The following HSPB1 variants were observed in gnomAD, a reference collection of about 807,000 sequenced individuals.
The protein encoded by HSPB1 is heat shock protein family B (small) member 1.
Under a neutral mutation model 17.0 loss-of-function variants are expected in HSPB1, and 19 were observed. The ratio of observed to expected loss-of-function variants is 1.12; its 90% confidence interval spans 0.78 to 1.64. HSPB1 has a LOEUF of 1.64. HSPB1 is among the 40% of genes most tolerant of loss of function. HSPB1 has a pLI of 0.00. For missense variants in HSPB1, 348 were observed against 289.2 expected (o/e 1.20, Z -1.47); for synonymous variants, 165 against 129.8 (o/e 1.27, Z -1.84).
In HSPB1 at chr7:76,303,106, G is replaced by C. The variant is rs541273562; in HGVS notation, c.364+30G>C. 6.6e-6 allele frequency: 10 copies of C among 1,504,646 alleles called. No homozygotes were observed. In the African/African-American group the frequency reaches 1.2e-4, roughly 19 times the overall value. The allele number at this position is 1,504,646 out of a possible 1,614,324, so 93.2% of individuals were successfully genotyped here. On this transcript the variant is annotated intron_variant, in intron 1 of 2. Transcript: ENST00000248553. Reference sequence around the variant, plus strand: ...GCCCCCCTGCTCCTGCAGGGGAGAGGAGGAGGCTAGCAGGGCGGGCAGGGC... The same window carrying C: ...GCCCCCCTGCTCCTGCAGGGGAGAGCAGGAGGCTAGCAGGGCGGGCAGGGC...
intron 2 of HSPB1, 50 bp from the exon 3 acceptor site, chr7:76,303,934 A>G (rs1192927752): frequency 1.2e-6 from 2 of 1,610,680 alleles, no homozygotes; most frequent in East Asian, 2.2e-5. Context: ...GGGCACAGGG[A>G]CCCACCCGGT....
chr7:76,303,100 G>A (rs778185042), intron 1 of HSPB1, 24 bp downstream of exon 1: 4 of 1,507,386 alleles, frequency 2.7e-6, no homozygotes, highest in Admixed American at 2.1e-5. Context: ...CTCCTGCAGG[G>A]GAGAGGAGGA....
At position 76,304,110 on chromosome 7, in the gene HSPB1, C is replaced by G. The variant is rs533051169; in HGVS notation, c.555C>G (p.Phe185Leu). Residue 185 changes from phenylalanine (F) to leucine (L), a missense_variant, in exon 3 of 3, where the codon TTC becomes TTG. Physicochemically the swap from Phe to Leu is conservative, Grantham distance 22. Transcript: ENST00000248553. ...ACGAGATCACCATCCCAGTCACCTT[C>G]GAGTCGCGGGCCCAGCTTGGGGGCC... ...QSNEITIPVT[F>L]ESRAQLGGPE... is the part of the protein sequence containing the mutation. 3.7e-6 allele frequency: 6 copies of G among 1,613,482 alleles called. No individual in the cohort carries two copies. In the African/African-American group the frequency reaches 6.7e-5, roughly 18 times the overall value.
In HSPB1 at chr7:76,304,116, G is replaced by T. The variant is rs746242447; in HGVS notation, c.561G>T (p.Ser187=). 22 of 1,613,004 alleles carry T rather than the reference G, an allele frequency of 1.4e-5. No individual in the cohort carries two copies. Among genetic ancestry groups the T allele is most frequent in the Non-Finnish European group, 1.7e-5 (20 of 1,179,750 alleles). ...NEITIPVTFE[S]RAQLGGPEAA... Reference sequence around the variant, plus strand: ...TCACCATCCCAGTCACCTTCGAGTCGCGGGCCCAGCTTGGGGGCCCAGAAG... The same window carrying T: ...TCACCATCCCAGTCACCTTCGAGTCTCGGGCCCAGCTTGGGGGCCCAGAAG... Residue 187 remains serine, a synonymous_variant, in exon 3 of 3, where the codon TCG becomes TCT. Transcript: ENST00000248553.
chr7:76,303,459 T>C (rs1803044003), intron 1 of HSPB1: 2 of 510,922 alleles, frequency 3.9e-6, no homozygotes, highest in Non-Finnish European at 7.0e-6. Flanking sequence ...CAGAGTCCCC[T>C]TCCCACCCAC....
intron 1 of HSPB1, 152 bp downstream of exon 1, chr7:76,303,228 GA>G: frequency 1.0e-6 from 1 of 955,736 alleles, no homozygotes. Flanking sequence ...CCTTGCTCAG[GA>G]ATTGGGAGTG....
rs1803054247 is a variant in HSPB1, at chr7:76,303,692, T to C, written c.365-110T>C. 3 of 850,094 alleles carry C rather than the reference T, an allele frequency of 3.5e-6. No individual in the cohort carries two copies. In the Admixed American group the frequency reaches 5.5e-5, roughly 16 times the overall value. 52.7% of individuals were successfully genotyped at this position (850,094 alleles called of 1,614,324 possible). On this transcript the variant is annotated intron_variant, in intron 1 of 2. Transcript: ENST00000248553. ...ATCCCCAACCCCCTCTGTTAATCCC[T>C]ACCAGCCTGCAGTCCTGGCTGCTTC...
In HSPB1 at chr7:76,303,909, T is replaced by TG. The variant is rs1563652756; in HGVS notation, c.428+48dup. On this transcript the variant is annotated intron_variant, in intron 2 of 2. Transcript: ENST00000248553. ...TCGGGGTGGGTGGGTGGCGTGGGGGTGGGGTCAGGGAAGAGGGCACAGGGA... is the reference window on the plus strand; with the variant it reads ...TCGGGGTGGGTGGGTGGCGTGGGGGTGGGGGTCAGGGAAGAGGGCACAGGGA... 3.3e-6 allele frequency: 5 copies of TG among 1,530,926 alleles called. No homozygotes were observed. In the Admixed American group the frequency reaches 5.0e-5, roughly 15 times the overall value. The allele number at this position is 1,530,926 out of a possible 1,614,324, so 94.8% of individuals were successfully genotyped here. A position where few individuals can be genotyped will look rare whatever the true frequency, so the allele number is the denominator to read the frequency against.
In HSPB1 at chr7:76,303,128, G is replaced by A. The variant is rs1169033849; in HGVS notation, c.364+52G>A. On this transcript the variant is annotated intron_variant, in intron 1 of 2. Coordinates refer to ENST00000248553, the MANE Select transcript of HSPB1 (RefSeq NM_001540.5). ...GAGGAGGAGGCTAGCAGGGCGGGCAGGGCCGGGGGCGTGCGGTTGAAACGG... is the reference window on the plus strand; with the variant it reads ...GAGGAGGAGGCTAGCAGGGCGGGCAAGGCCGGGGGCGTGCGGTTGAAACGG... 5 of 1,492,376 alleles carry A rather than the reference G, an allele frequency of 3.4e-6. No homozygotes were observed. In the South Asian group the frequency reaches 6.4e-5, roughly 19 times the overall value. 92.4% of individuals were successfully genotyped at this position (1,492,376 alleles called of 1,614,324 possible).
In HSPB1 at chr7:76,302,930, A is replaced by G; in HGVS notation, c.218A>G (p.Tyr73Cys). Residue 73 changes from tyrosine to cysteine, a missense_variant, in exon 1 of 3, where the codon TAC becomes TGC. Physicochemically the swap from Tyr to Cys is radical, Grantham distance 194. Transcript: ENST00000248553. The part of the protein sequence containing the change: ...IESPAVAAPA[Y>C]SRALSRQLSS... The stretch of plus-strand genomic sequence containing the variant: ...AGCCCCGCAGTGGCCGCGCCCGCCT[A>G]CAGCCGCGCGCTCAGCCGGCAACTC... 6.5e-7 allele frequency: 1 copy of G among 1,545,918 alleles called. No homozygotes were observed. The highest frequency in any genetic ancestry group is 8.7e-7 in the Non-Finnish European group (1 of 1,151,264).
At chr7:76,303,908 G>C (rs769376183) in intron 2 of HSPB1, 43 bp downstream of exon 2, 1 of 1,606,976 alleles carries the variant, frequency 6.2e-7, no homozygotes, top group South Asian at 1.1e-5. Flanking sequence ...TGGCGTGGGG[G>C]TGGGGTCAGG....
chr7:76,303,160 CGGGGGCCT>C, intron 1 of HSPB1, 84 bp downstream of exon 1: 1 of 1,458,708 alleles, frequency 6.9e-7, no homozygotes, highest in African/African-American at 1.4e-5. Context: ...ACGGGGGTCC[CGGGGGCCT>C]GGGGAGTTAA....
chr7:76,303,759 C>G, intron 1 of HSPB1, 43 bp from the exon 2 acceptor site: 1 of 1,579,094 alleles, frequency 6.3e-7, no homozygotes, highest in Non-Finnish European at 8.7e-7. Flanking sequence ...GGCCGAAAGG[C>G]AGTCCCCTCC....
chr7:76,303,218 C>T, intron 1 of HSPB1, 142 bp downstream of exon 1: 1 of 1,030,586 alleles, frequency 9.7e-7, no homozygotes, highest in Non-Finnish European at 1.4e-6. Flanking sequence ...CTCCTGATTC[C>T]CTTGCTCAGG....
At position 76,302,702 on chromosome 7, in the gene HSPB1, A is replaced by T. The variant is rs1803010570; in HGVS notation, c.-11A>T. ...TTTTCTGAGCAGACGTCCAGAGCAG[A>T]GTCAGCCAGCATGACCGAGCGCCGC... On this transcript the variant is annotated 5_prime_UTR_variant, in exon 1 of 3. Transcript: ENST00000248553. 6.3e-7 allele frequency: 1 copy of T among 1,599,832 alleles called. No individual in the cohort carries two copies. The highest frequency in any genetic ancestry group is 1.7e-5 in the Admixed American group (1 of 60,004).
intron 1 of HSPB1, 129 bp from the exon 2 acceptor site, chr7:76,303,673 A>C: frequency 8.5e-5 from 58 of 680,332 alleles, no homozygotes; most frequent in Non-Finnish European, 1.1e-5. Flanking sequence ...CCCCATCCCC[A>C]ACCCCCTCTG....
In HSPB1 at chr7:76,303,809, CGAG is replaced by C. The variant is rs1554614633; in HGVS notation, c.376_378del (p.Glu126del). The C allele has an allele frequency of 1.9e-6, 3 of 1,609,784 alleles. No homozygotes were observed. The highest frequency in any genetic ancestry group is 2.5e-6 in the Non-Finnish European group (3 of 1,179,398). On this transcript the variant is annotated inframe_deletion, in exon 2 of 3. Transcript: ENST00000248553. ...TCCCTCTTCCCCCCAAAGGCAAGCA[CGAG>C]GAGCGGCAGGACGAGCATGGCTACA...
intron 1 of HSPB1, 199 bp downstream of exon 1, chr7:76,303,275 C>A (rs1475051221): frequency 4.8e-6 from 3 of 626,970 alleles, no homozygotes; most frequent in Non-Finnish European, 5.3e-6. Flanking sequence ...GCTCTGTAAT[C>A]CCAGCGCTTT....
chr7:76,302,900 T>C lies in HSPB1; in HGVS notation c.188T>C (p.Ile63Thr). ...GTGCGCCCCCTGCCCCCCGCCGCCA[T>C]CGAGAGCCCCGCAGTGGCCGCGCCC... ...GYVRPLPPAA[I>T]ESPAVAAPAY... The change falls in exon 1 of 3, where the codon ATC (isoleucine) becomes ACC (threonine). Residue 63 changes from isoleucine to threonine, a missense_variant. Coordinates refer to ENST00000248553, the MANE Select transcript of HSPB1 (RefSeq NM_001540.5). 6.4e-7 allele frequency: 1 copy of C among 1,552,702 alleles called. No homozygotes were observed. The highest frequency in any genetic ancestry group is 8.7e-7 in the Non-Finnish European group (1 of 1,155,170).
Sources: allele counts gnomAD v4.1 joint callset, GRCh38; gene constraint gnomAD v4.1.1; transcripts MANE v1.5; gene names NCBI Gene and HGNC (gene_info 2026-07-23, HGNC 2026-07-21).